The following PIEZO2 variants were observed in gnomAD, a reference collection of about 807,000 sequenced individuals.
PIEZO2 encodes piezo type mechanosensitive ion channel component 2.
In PIEZO2, 172 loss-of-function variants were observed where a neutral mutation model predicts 337.3. That is an observed-to-expected ratio of 0.51 (90% CI 0.45 to 0.58). The LOEUF is 0.58. Ranked by LOEUF, PIEZO2 falls within the 20% of genes least tolerant of loss-of-function variation. The probability of loss-of-function intolerance (pLI) is 0.00; values close to 1 mark genes in which losing one functional copy is unlikely to be tolerated. For synonymous variants in PIEZO2, 1,251 were observed against 1,228.5 expected (o/e 1.02, Z -0.38); for missense variants, 3,028 against 3,391.3 (o/e 0.89, Z 2.66).
At position 10,741,033 on chromosome 18, in the gene PIEZO2, G is replaced by T. The variant is rs1004524797; in HGVS notation, c.4706C>A (p.Ser1569Tyr). Residue 1569 changes from serine to tyrosine, a missense_variant and splice_region_variant, in exon 33 of 56, where the codon TCC (serine) becomes TAC (tyrosine). Physicochemically the swap from Ser to Tyr is moderately radical, Grantham distance 144. This residue lies in a region of PIEZO2 where 1,925 missense variants were observed against 2,051.9 expected (regional missense o/e 0.94). Transcript: ENST00000674853. ...GTAAGGGGATCGAGAAAACCTACTG[G>T]AAGCATGATCAACCCAAGGCCGCCA... ...QWWRPWVDHA[S>Y]MVRSGDYYLF... 6 of 1,537,178 alleles carry T rather than the reference G, an allele frequency of 3.9e-6. No homozygotes were observed. Among genetic ancestry groups the T allele is most frequent in the Non-Finnish European group, 5.2e-6 (6 of 1,146,868 alleles).
chr18:10,748,892 T>C lies in PIEZO2; in HGVS notation c.4265-262A>G, dbSNP rs575802987. Among the ~76,000 whole-genome samples the C allele has an allele frequency of 1.1e-4, 16 of 152,270 alleles. No homozygotes were observed. In the South Asian group the frequency reaches 2.1e-3, roughly 20 times the overall value. On this transcript the variant is annotated intron_variant, in intron 29 of 55. Coordinates refer to ENST00000674853, the MANE Select transcript of PIEZO2 (RefSeq NM_001378183.1). The surrounding 1 kb of genome is among the most constrained non-coding windows in gnomAD (Gnocchi z 5.1). ...GGCCCTTTTTACGTGGGAGGCCTCT[T>C]GAGTATTTCTCTCTCTTAGGAAGAA...
intron 3 of PIEZO2, among the ~76,000 whole-genome samples, chr18:10,939,340 ATT>A (rs2032590692): frequency 1.3e-5 from 2 of 152,186 alleles, no homozygotes; most frequent in South Asian, 2.1e-4. Flanking sequence ...TAGTTCAACC[ATT>A]GTGGAAGACA....
intron 3 of PIEZO2, among the ~76,000 whole-genome samples, chr18:10,944,072 T>C (rs2145267091): frequency 6.6e-6 from 1 of 152,280 alleles, no homozygotes; most frequent in East Asian, 1.9e-4. Flanking sequence ...GTCTCAGGAA[T>C]GTATTTATCA....
At chr18:11,041,770 G>A (rs1284120590) in intron 2 of PIEZO2, among the ~76,000 whole-genome samples, 4 of 152,204 alleles carry the variant, frequency 2.6e-5, no homozygotes. Flanking sequence ...GGAAAATTGA[G>A]TAAAACCCAA....
intron 47 of PIEZO2, 35 bp from the exon 48 acceptor site, chr18:10,691,418 A>C: frequency 6.3e-7 from 1 of 1,593,860 alleles, no homozygotes; most frequent in Non-Finnish European, 8.6e-7. Context: ...GAAGCAATGA[A>C]ATACTCTTCT....
chr18:10,742,633 A>C lies in PIEZO2; in HGVS notation c.4515-18T>G. Reference sequence around the variant, plus strand: ...GATCCATCCTATAAAGTAAAATAACATTAGTAATGCCAAGAACATATTCAT... The same window carrying C: ...GATCCATCCTATAAAGTAAAATAACCTTAGTAATGCCAAGAACATATTCAT... On this transcript the variant is annotated intron_variant, in intron 31 of 55. Transcript: ENST00000674853. 1 of 1,536,570 alleles carries C rather than the reference A, an allele frequency of 6.5e-7. No homozygotes were observed. The highest frequency in any genetic ancestry group is 8.7e-7 in the Non-Finnish European group (1 of 1,146,442).
chr18:10,951,792 A>AG (rs1177407602), intron 3 of PIEZO2, among the ~76,000 whole-genome samples: 1 of 152,148 alleles, frequency 6.6e-6, no homozygotes, highest in African/African-American at 2.4e-5. Flanking sequence ...GAATTCCCCA[A>AG]GGGCAGTGGA....
intron 7 of PIEZO2, among the ~76,000 whole-genome samples, chr18:10,812,883 C>T (rs778794358): frequency 3.6e-4 from 55 of 152,120 alleles, no homozygotes; most frequent in Non-Finnish European, 5.6e-4. Flanking sequence ...ATACAGGATC[C>T]CAGCCATTGG....
At position 10,783,869 on chromosome 18, in the gene PIEZO2, C is replaced by G. The variant is rs2144108055; in HGVS notation, c.2492+915G>C. Among the ~76,000 whole-genome samples the G allele has an allele frequency of 6.6e-6, 1 of 152,264 alleles. No homozygotes were observed. Among genetic ancestry groups the G allele is most frequent in the East Asian group, 1.9e-4 (1 of 5,190 alleles). On this transcript the variant is annotated intron_variant, in intron 17 of 55. Coordinates refer to ENST00000674853, the MANE Select transcript of PIEZO2 (RefSeq NM_001378183.1). This position sits in a 1 kb window ranked among gnomAD's most constrained non-coding sequence, Gnocchi z 4.3. ...ACTCTAGTTCCTACACAGCAGAACG[C>G]TGGAAGTTTGGCATTTTACGAAATG...
intron 1 of PIEZO2, among the ~76,000 whole-genome samples, chr18:11,113,541 C>G (rs2039795982): frequency 6.6e-6 from 1 of 152,188 alleles, no homozygotes; most frequent in Non-Finnish European, 1.5e-5. Context: ...CGGCCTTGTT[C>G]ACTCCTGCAA....
intron 12 of PIEZO2, among the ~76,000 whole-genome samples, chr18:10,796,248 T>C (rs1475792311): frequency 2.0e-5 from 3 of 151,744 alleles, no homozygotes; most frequent in African/African-American, 7.3e-5. Flanking sequence ...CAGGCGCCTG[T>C]AGTCCCAGCT....
intron 49 of PIEZO2, among the ~76,000 whole-genome samples, chr18:10,688,169 CT>C (rs1261225332): frequency 1.3e-5 from 2 of 152,046 alleles, no homozygotes; most frequent in African/African-American, 2.4e-5. Context: ...CCCCTACCCC[CT>C]GACAGGCCCT....
At chr18:11,095,761 G>A (rs1053350292) in intron 1 of PIEZO2, among the ~76,000 whole-genome samples, 2 of 152,132 alleles carry the variant, frequency 1.3e-5, no homozygotes, top group African/African-American at 4.8e-5. Context: ...GACTTCAACC[G>A]ATTTGGAAGC....
rs1331809027 is a variant in PIEZO2 at position 11,031,412 on chromosome 18, T to C, written c.160+34715A>G. Among the ~76,000 whole-genome samples the C allele has an allele frequency of 6.6e-6, 1 of 152,140 alleles. No individual in the cohort carries two copies. The highest frequency in any genetic ancestry group is 1.9e-4 in the East Asian group (1 of 5,200). On this transcript the variant is annotated intron_variant, in intron 2 of 55. Coordinates refer to ENST00000674853, the MANE Select transcript of PIEZO2 (RefSeq NM_001378183.1). The surrounding 1 kb of genome is among the most constrained non-coding windows in gnomAD (Gnocchi z 4.7). ...GAAAGTATACTCCACTCTTAATTCT[T>C]ACATTTTATACCAGAAAAAAAAATT... is the stretch of plus-strand genomic sequence containing the variant.
At chr18:10,881,270 C>T (rs770555493) in intron 4 of PIEZO2, among the ~76,000 whole-genome samples, 7 of 152,066 alleles carry the variant, frequency 4.6e-5, no homozygotes, top group Non-Finnish European at 7.4e-5. Context: ...CATTGGTGGC[C>T]GGATTTGTGT....
chr18:10,938,079 G>T (rs1028164538), intron 3 of PIEZO2, among the ~76,000 whole-genome samples: 1 of 152,152 alleles, frequency 6.6e-6, no homozygotes, highest in Non-Finnish European at 1.5e-5. Context: ...GGCATGTAAA[G>T]ATCTCATTTT....
In PIEZO2 at chr18:11,097,658, CT is replaced by C. The variant is rs2039298668; in HGVS notation, c.65-31437del. Among the ~76,000 whole-genome samples the C allele has an allele frequency of 6.6e-6, 1 of 152,200 alleles. No homozygotes were observed. Among genetic ancestry groups the C allele is most frequent in the Admixed American group, 6.5e-5 (1 of 15,282 alleles). ...ACATATTAGTTTCATTTCAAGTCCT[CT>C]TTAGTAGATTTTCACCTGACTGTAT... On this transcript the variant is annotated intron_variant, in intron 1 of 55. Coordinates refer to ENST00000674853, the MANE Select transcript of PIEZO2 (RefSeq NM_001378183.1). The surrounding 1 kb of genome is among the most constrained non-coding windows in gnomAD (Gnocchi z 5.0).
intron 2 of PIEZO2, among the ~76,000 whole-genome samples, chr18:11,000,928 G>A (rs560842640): frequency 6.6e-6 from 1 of 152,278 alleles, no homozygotes; most frequent in East Asian, 1.9e-4. Flanking sequence ...GAAAGGTGCT[G>A]AGCCTCTGTA....
rs188656277 is a variant in PIEZO2, at chr18:10,723,211, C to T, written c.5030-4952G>A. ...CAAACTCCCGACCTCAGGTGATCCG[C>T]CCACCTTAGCCTCCCAAAGTGCTGG... On this transcript the variant is annotated intron_variant, in intron 36 of 55. Transcript: ENST00000674853. Among the ~76,000 whole-genome samples, 458 of 152,206 alleles carry T rather than the reference C, an allele frequency of 3.0e-3. 5 individuals are homozygous for T. Among genetic ancestry groups the T allele is most frequent in the African/African-American group, 0.01 (424 of 41,506 alleles).
Sources: gnomAD v4.1 joint callset for allele counts (sites outside exome capture counted in the v4.1 genomes callset) on GRCh38, gnomAD v4.1.1 for gene constraint, gnomAD v4.1.1 regional missense constraint, Gnocchi (gnomAD v3.1) non-coding constraint, MANE v1.5 for transcripts, NCBI Gene and HGNC (gene_info 2026-07-23, HGNC 2026-07-21) for gene names.